Variants in NAALADL2 observed in about 807,000 individuals in gnomAD.
The protein encoded by NAALADL2 is inactive N-acetylated-alpha-linked acidic dipeptidase-like protein 2.
Under a neutral mutation model 87.2 loss-of-function variants are expected in NAALADL2, and 76 were observed. The ratio of observed to expected loss-of-function variants is 0.87; its 90% confidence interval spans 0.72 to 1.05. The LOEUF (loss-of-function observed/expected upper bound fraction) is 1.05, where lower values mean the gene tolerates loss of function less well. Among genes scored for constraint, NAALADL2 ranks in the 50% least tolerant of loss-of-function variants. NAALADL2 has a pLI of 0.00. For synonymous variants in NAALADL2, 354 were observed against 331.0 expected, an observed-to-expected ratio of 1.07 and a Z score of -0.75; for missense variants, 1,089 against 945.8, an observed-to-expected ratio of 1.15 and a Z score of -1.99.
chr3:174,831,086 G>C (rs1249187259), intron 3 of NAALADL2, among the ~76,000 whole-genome samples: 1 of 151,462 alleles, frequency 6.6e-6, no homozygotes, highest in Non-Finnish European at 1.5e-5. Context: ...TTTCCTAATT[G>C]AATACCCTTT....
chr3:174,490,825 A>G (rs1718144927), intron 1 of NAALADL2, among the ~76,000 whole-genome samples: 1 of 152,114 alleles, frequency 6.6e-6, no homozygotes, highest in Admixed American at 6.6e-5. Flanking sequence ...TTTCATGACT[A>G]GCAAGATAAG....
intron 1 of NAALADL2, among the ~76,000 whole-genome samples, chr3:174,441,188 G>A (rs1360591969): frequency 6.6e-6 from 1 of 151,972 alleles, no homozygotes; most frequent in South Asian, 2.1e-4. Context: ...GCGGGGCCCG[G>A]GGCGCCGACC....
chr3:175,122,688 C>A (rs1726331893), intron 2 of NAALADL2, among the ~76,000 whole-genome samples: 1 of 151,738 alleles, frequency 6.6e-6, no homozygotes, highest in Non-Finnish European at 1.5e-5. Context: ...TATCTCCTCC[C>A]ATTCTCTCTT....
Position 174,478,564 on chromosome 3 carries a change from T to C in NAALADL2, c.-184+37532T>C, listed in dbSNP as rs1439447315. Among the ~76,000 whole-genome samples, 4 of 152,142 alleles carry C rather than the reference T, an allele frequency of 2.6e-5. No individual in the cohort carries two copies. The East Asian group carries it at 7.7e-4, about 29-fold the overall frequency. Reference sequence around the variant, plus strand: ...ACTCATTGATAGCCTCAATAGAATATATTAACAGATATGTACTAGATATCA... The same window carrying C: ...ACTCATTGATAGCCTCAATAGAATACATTAACAGATATGTACTAGATATCA... On this transcript the variant is annotated intron_variant, in intron 1 of 3. Coordinates refer to the NAALADL2 transcript ENST00000434257.
intron 1 of NAALADL2, among the ~76,000 whole-genome samples, chr3:174,963,705 C>A (rs1742459127): frequency 6.6e-6 from 1 of 151,998 alleles, no homozygotes; most frequent in Non-Finnish European, 1.5e-5. Context: ...TAGTACTTGG[C>A]ACATATTACG....
intron 3 of NAALADL2, among the ~76,000 whole-genome samples, chr3:174,740,471 A>T (rs190215394): frequency 2.2e-4 from 34 of 152,060 alleles, no homozygotes; most frequent in Non-Finnish European, 1.0e-4. Flanking sequence ...TTAAAATCAA[A>T]GTGCCATTGT....
chr3:175,413,567 C>CAAAAAA lies in NAALADL2; in HGVS notation c.1091-33650_1091-33645dup, dbSNP rs766955477. Among the ~76,000 whole-genome samples, 75 of 132,570 alleles carry CAAAAAA rather than the reference C, an allele frequency of 5.7e-4. 2 individuals carry two copies. Among genetic ancestry groups the CAAAAAA allele is most frequent in the African/African-American group, 1.5e-3 (51 of 34,494 alleles). The allele number at this position is 132,570 out of a possible 152,430, so 87.0% of individuals were successfully genotyped here. A position where few individuals can be genotyped will look rare whatever the true frequency, so the allele number is the denominator to read the frequency against. ...CCTGGGCGACAGAGCGAGACTCCAT[C>CAAAAAA]AAAAAAAAAAAAAAAAATCCCAAAC... On this transcript the variant is annotated intron_variant, in intron 5 of 13. Coordinates refer to ENST00000454872, the MANE Select transcript of NAALADL2 (RefSeq NM_207015.3).
intron 2 of NAALADL2, among the ~76,000 whole-genome samples, chr3:175,132,187 TCCTCACTTCCCAGTA>T (rs1728113606): frequency 1.1e-5 from 1 of 88,034 alleles, no homozygotes; most frequent in African/African-American, 5.7e-5. Flanking sequence ...GCAGAGGGGC[TCCTCACTTCCCAGTA>T]GGGGCGGCCG....
chr3:175,596,033 A>G (rs1471671867), intron 10 of NAALADL2, among the ~76,000 whole-genome samples: 1 of 151,984 alleles, frequency 6.6e-6, no homozygotes, highest in Non-Finnish European at 1.5e-5. Flanking sequence ...TCCTTTTAAT[A>G]TTTTTAAATA....
chr3:175,206,760 G>T (rs112999029), intron 2 of NAALADL2, among the ~76,000 whole-genome samples: 2 of 152,098 alleles, frequency 1.3e-5, no homozygotes, highest in Non-Finnish European at 2.9e-5. Flanking sequence ...GCTAGAAGTC[G>T]TTGGCAGCAC....
At chr3:174,585,221 GT>G (rs1716573091) in intron 2 of NAALADL2, among the ~76,000 whole-genome samples, 1 of 152,056 alleles carries the variant, frequency 6.6e-6, no homozygotes, top group African/African-American at 2.4e-5. Flanking sequence ...CATTTGTGGA[GT>G]TTTGAAAAAA....
At chr3:175,565,226 T>C (rs751900457) in intron 9 of NAALADL2, among the ~76,000 whole-genome samples, 3 of 152,156 alleles carry the variant, frequency 2.0e-5, no homozygotes, top group Non-Finnish European at 4.4e-5. Flanking sequence ...CTATAGGGGA[T>C]AACAAAACTT....
At chr3:175,754,148 G>T (rs145253430) in intron 12 of NAALADL2, among the ~76,000 whole-genome samples, 2 of 152,290 alleles carry the variant, frequency 1.3e-5, no homozygotes, top group African/African-American at 4.8e-5. Context: ...CTGCTTACCT[G>T]TGGGGACATA....
intron 2 of NAALADL2, among the ~76,000 whole-genome samples, chr3:174,710,503 C>A (rs1484680878): frequency 6.6e-6 from 1 of 152,152 alleles, no homozygotes; most frequent in African/African-American, 2.4e-5. Flanking sequence ...GTCTGCCCGC[C>A]TTGGCCTCCC....
chr3:175,179,167 T>G (rs114922258), intron 2 of NAALADL2, among the ~76,000 whole-genome samples: 1 of 152,172 alleles, frequency 6.6e-6, no homozygotes, highest in South Asian at 2.1e-4. Context: ...TATACTTCCA[T>G]TGATAAATCT....
chr3:175,491,579 T>C (rs959074075), intron 9 of NAALADL2, among the ~76,000 whole-genome samples: 3 of 152,224 alleles, frequency 2.0e-5, no homozygotes, highest in Non-Finnish European at 2.9e-5. Context: ...GTTTCATTTA[T>C]ATGAAATTTG....
intron 3 of NAALADL2, among the ~76,000 whole-genome samples, chr3:174,800,429 C>T (rs1718687363): frequency 6.6e-6 from 1 of 152,184 alleles, no homozygotes. Context: ...CCTGCAGGTG[C>T]ACAGAAGTCA....
chr3:175,414,198 A>G (rs1247492613), intron 5 of NAALADL2, among the ~76,000 whole-genome samples: 2 of 152,322 alleles, frequency 1.3e-5, no homozygotes, highest in Admixed American at 6.5e-5. Flanking sequence ...TAGTTTGCCA[A>G]TCAGCCTGCT....
intron 1 of NAALADL2, among the ~76,000 whole-genome samples, chr3:174,458,994 G>A (rs954275785): frequency 2.0e-5 from 3 of 152,176 alleles, no homozygotes; most frequent in African/African-American, 7.2e-5. Flanking sequence ...AGAGTAGGGG[G>A]AGGTGAGTTG....
Sources: allele counts gnomAD v4.1 joint callset (sites outside exome capture counted in the v4.1 genomes callset), GRCh38; gene constraint gnomAD v4.1.1; transcripts MANE v1.5; gene names NCBI Gene and HGNC (gene_info 2026-07-23, HGNC 2026-07-21).